YTHDC2: variants seen among roughly 807,000 people sequenced by gnomAD.
YTHDC2 encodes 3'-5' RNA helicase YTHDC2.
Under a neutral mutation model 174.9 loss-of-function variants are expected in YTHDC2, and 45 were observed. That is an observed-to-expected ratio of 0.26 (90% CI 0.20 to 0.33). The LOEUF is 0.33. YTHDC2 is among the 10% of genes least tolerant of loss of function. The pLI, the probability that YTHDC2 is intolerant of heterozygous loss-of-function variation, is 1.00. For missense variants in YTHDC2, 1,650 were observed against 1,723.7 expected, an observed-to-expected ratio of 0.96 and a Z score of 0.76; for synonymous variants, 657 against 574.5, an observed-to-expected ratio of 1.14 and a Z score of -2.05.
At chr5:113,589,903 T>G (rs1372803246) in intron 26 of YTHDC2, among the ~76,000 whole-genome samples, 2 of 152,194 alleles carry the variant, frequency 1.3e-5, no homozygotes, top group East Asian at 3.8e-4. Context: ...TTTTGGCATT[T>G]TTTTCTTTTA....
Position 113,563,908 on chromosome 5 carries a change from A to G in YTHDC2, c.2492A>G (p.His831Arg). 2 of 1,614,182 alleles carry G rather than the reference A, an allele frequency of 1.2e-6. No homozygotes were observed. Among genetic ancestry groups the G allele is most frequent in the Non-Finnish European group, 1.7e-6 (2 of 1,180,026 alleles). The stretch of plus-strand genomic sequence containing the variant: ...GAAGATCTGACTGAACTTGGGTATC[A>G]TTTGGCTGACTTGCCAGTAGAACCA... The part of the protein sequence containing the change: ...TWEDLTELGY[H>R]LADLPVEPHL... Residue 831 changes from histidine to arginine, a missense_variant, in exon 20 of 30, where the codon CAT (histidine) becomes CGT (arginine). By Grantham distance (29) the His-to-Arg change is conservative. This residue lies in a region of YTHDC2 where 913 missense variants were observed against 940.4 expected (regional missense o/e 0.97). Transcript: ENST00000161863.
intron 1 of YTHDC2, among the ~76,000 whole-genome samples, chr5:113,514,823 T>A (rs995053961): frequency 2.6e-5 from 4 of 152,174 alleles, no homozygotes; most frequent in Non-Finnish European, 5.9e-5. Flanking sequence ...TTCTGTACAG[T>A]TTTGAAAGCA....
Position 113,553,574 on chromosome 5 carries a change from G to A in YTHDC2, c.1868-16G>A. 2 of 1,609,834 alleles carry A rather than the reference G, an allele frequency of 1.2e-6. No individual in the cohort carries two copies. Among genetic ancestry groups the A allele is most frequent in the Non-Finnish European group, 1.7e-6 (2 of 1,177,626 alleles). ...TCACAATGAGATTTAATATTAAAAA[G>A]TCATTCTTCTCCAAGGTGCAGTACT... On this transcript the variant is annotated splice_polypyrimidine_tract_variant and intron_variant, in intron 13 of 29. Transcript: ENST00000161863.
At chr5:113,570,546 T>C (rs1367118354) in intron 23 of YTHDC2, among the ~76,000 whole-genome samples, 1 of 152,198 alleles carries the variant, frequency 6.6e-6, no homozygotes, top group Non-Finnish European at 1.5e-5. Flanking sequence ...TGAAGTTGCT[T>C]ATCAGCTTAA....
chr5:113,584,472 C>T lies in YTHDC2; in HGVS notation c.3818C>T (p.Ser1273Leu), dbSNP rs995493935. 9 of 1,609,536 alleles carry T rather than the reference C, an allele frequency of 5.6e-6. No homozygotes were observed. In the Admixed American group the frequency reaches 8.4e-5, roughly 15 times the overall value. Reference sequence around the variant, plus strand: ...TGTGCTAGTCCTTCTCCTCCATCCTCAGGAAAGGTAAGAGTATCTGAAAGA... The same window carrying T: ...TGTGCTAGTCCTTCTCCTCCATCCTTAGGAAAGGTAAGAGTATCTGAAAGA... Reference protein sequence around the residue: ...SPCASPSPPSSGKGSKSPSPR... With the variant: ...SPCASPSPPSLGKGSKSPSPR... Residue 1273 changes from serine (S) to leucine (L), a missense_variant, in exon 26 of 30, where the codon TCA becomes TTA. By Grantham distance (145) the Ser-to-Leu change is moderately radical. Around this residue, in one of 5 missense-constraint regions of YTHDC2, gnomAD observed 913 missense variants for 940.4 expected, o/e 0.97. Coordinates refer to ENST00000161863, the MANE Select transcript of YTHDC2 (RefSeq NM_022828.5).
chr5:113,526,284 A>G (rs1774231768), intron 3 of YTHDC2, among the ~76,000 whole-genome samples: 1 of 152,018 alleles, frequency 6.6e-6, no homozygotes, highest in African/African-American at 2.4e-5. Flanking sequence ...TGGTTATTGA[A>G]TGATTTATTT....
chr5:113,565,868 T>A lies in YTHDC2; in HGVS notation c.2716-25T>A, dbSNP rs561317670. On this transcript the variant is annotated intron_variant, in intron 20 of 29. Transcript: ENST00000161863. Reference sequence around the variant, plus strand: ...AGAAGCGATTAGTAAATGTGTCTTGTTATGCAATTATTCTCTTTTTATAGG... The same window carrying A: ...AGAAGCGATTAGTAAATGTGTCTTGATATGCAATTATTCTCTTTTTATAGG... The A allele has an allele frequency of 7.4e-5, 119 of 1,606,398 alleles. 3 individuals are homozygous for A. The South Asian group carries it at 1.2e-3, about 16-fold the overall frequency.
chr5:113,544,965 A>G (rs183652786), intron 10 of YTHDC2, among the ~76,000 whole-genome samples: 281 of 152,132 alleles, frequency 1.8e-3, no homozygotes, highest in African/African-American at 6.6e-3. Flanking sequence ...TAAACTTACG[A>G]TTTTATTGAA....
chr5:113,535,865 T>C (rs938012957), intron 7 of YTHDC2, 67 bp downstream of exon 7: 2 of 1,327,152 alleles, frequency 1.5e-6, no homozygotes, highest in Non-Finnish European at 2.0e-6. Context: ...TTATTTATCC[T>C]AACAGAAACT....
At chr5:113,575,751 T>C (rs1778003515) in intron 23 of YTHDC2, among the ~76,000 whole-genome samples, 2 of 152,192 alleles carry the variant, frequency 1.3e-5, no homozygotes, top group African/African-American at 4.8e-5. Flanking sequence ...ACGTGGTGTG[T>C]TCCAAAAGGT....
chr5:113,549,064 A>G (rs1776076522), intron 12 of YTHDC2, 44 bp downstream of exon 12: 3 of 1,496,022 alleles, frequency 2.0e-6, no homozygotes, highest in Non-Finnish European at 2.8e-6. Context: ...CGTCTCTTAA[A>G]AAAGAGCTTC....
rs192311933 is a variant in YTHDC2 at position 113,572,955 on chromosome 5, C to A, written c.3244+5106C>A. On this transcript the variant is annotated intron_variant, in intron 23 of 29. Transcript: ENST00000161863. ...TCACTTGGGACATTTACCCCATTTACCTTCAATATTACTTTTATGGTTATG... is the reference window on the plus strand; with the variant it reads ...TCACTTGGGACATTTACCCCATTTAACTTCAATATTACTTTTATGGTTATG... Among the ~76,000 whole-genome samples the A allele has an allele frequency of 2.6e-5, 4 of 152,230 alleles. No individual in the cohort carries two copies. In the East Asian group the frequency reaches 7.7e-4, roughly 29 times the overall value.
chr5:113,584,943 T>G (rs753493678), intron 26 of YTHDC2, among the ~76,000 whole-genome samples: 4 of 151,846 alleles, frequency 2.6e-5, no homozygotes, highest in South Asian at 2.1e-4. Flanking sequence ...CCCAGCTGAT[T>G]AAAGAAAAAT....
intron 17 of YTHDC2, among the ~76,000 whole-genome samples, chr5:113,558,451 T>C (rs1336187772): frequency 1.3e-5 from 2 of 152,056 alleles, no homozygotes; most frequent in East Asian, 3.9e-4. Context: ...AAATAGATAA[T>C]TAATTCAAGA....
chr5:113,589,408 A>AAAATAT (rs368975720), intron 26 of YTHDC2, among the ~76,000 whole-genome samples: 1,265 of 123,128 alleles, frequency 0.01, 8 homozygotes, highest in Middle Eastern at 0.022. Flanking sequence ...AAAAAAAAAA[A>AAAATAT]ATATATATAT....
In YTHDC2 at chr5:113,565,935, T is replaced by A; in HGVS notation, c.2758T>A (p.Cys920Ser). The A allele has an allele frequency of 1.2e-6, 2 of 1,613,848 alleles. No homozygotes were observed. The highest frequency in any genetic ancestry group is 1.1e-5 in the South Asian group (1 of 91,042). Residue 920 changes from cysteine (C) to serine (S), a missense_variant, in exon 21 of 30, where the codon TGT becomes AGT. Cys to Ser is a moderately radical substitution (Grantham distance 112, BLOSUM62 -1). Coordinates refer to ENST00000161863, the MANE Select transcript of YTHDC2 (RefSeq NM_022828.5). ...ARSDGWERAF[C>S]EKNFLSQATM... ...AAGTGATGGGTGGGAGCGAGCCTTT[T>A]GTGAAAAGAATTTTCTTTCACAGGC... is the stretch of plus-strand genomic sequence containing the variant.
At chr5:113,517,105 T>C (rs1360176301) in intron 2 of YTHDC2, among the ~76,000 whole-genome samples, 1 of 152,232 alleles carries the variant, frequency 6.6e-6, no homozygotes, top group Non-Finnish European at 1.5e-5. Context: ...ATTTGCAATA[T>C]GTTGTATAAT....
At position 113,513,943 on chromosome 5, in the gene YTHDC2, T is replaced by TGGCGGA. The variant is rs1308994002; in HGVS notation, c.54_59dup (p.Gly20_Gly21dup). On this transcript the variant is annotated inframe_insertion, in exon 1 of 30. Coordinates refer to ENST00000161863, the MANE Select transcript of YTHDC2 (RefSeq NM_022828.5). The stretch of plus-strand genomic sequence containing the variant: ...CCCCGCGGCAGCCGGCTCCTGGCGG[T>TGGCGGA]GGCGGAGGCGGCGGCCCCTCGCCTT... 2.3e-5 allele frequency: 37 copies of TGGCGGA among 1,604,252 alleles called. No individual in the cohort carries two copies. The highest frequency in any genetic ancestry group is 3.1e-5 in the Non-Finnish European group (36 of 1,175,960).
intron 26 of YTHDC2, among the ~76,000 whole-genome samples, chr5:113,587,970 A>T (rs1778784726): frequency 6.6e-6 from 1 of 152,086 alleles, no homozygotes; most frequent in Non-Finnish European, 1.5e-5. Context: ...TACAAGTATT[A>T]CAATTTTTTG....
Sources: gnomAD v4.1 joint callset for allele counts (sites outside exome capture counted in the v4.1 genomes callset) on GRCh38, gnomAD v4.1.1 for gene constraint, gnomAD v4.1.1 regional missense constraint, MANE v1.5 for transcripts, NCBI Gene and HGNC (gene_info 2026-07-23, HGNC 2026-07-21) for gene names.